DDX27: variants seen among roughly 807,000 people sequenced by gnomAD.
DDX27 encodes DEAD-box helicase 27, also known as probable ATP-dependent RNA helicase DDX27.
Under a neutral mutation model 99.3 loss-of-function variants are expected in DDX27, and 42 were observed. The observed-to-expected ratio is 0.42, with a 90% CI of 0.33 to 0.55. The LOEUF (loss-of-function observed/expected upper bound fraction) is 0.55, where lower values mean the gene tolerates loss of function less well. Ranked by LOEUF, DDX27 falls within the 20% of genes least tolerant of loss-of-function variation. The probability of loss-of-function intolerance (pLI) is 0.07; values close to 1 mark genes in which losing one functional copy is unlikely to be tolerated. For missense variants in DDX27, 798 were observed against 976.8 expected, an observed-to-expected ratio of 0.82 and a Z score of 2.44; for synonymous variants, 329 against 353.8, an observed-to-expected ratio of 0.93 and a Z score of 0.79.
chr20:49,243,749 T>TA (rs757473060), intron 20 of DDX27, 46 bp downstream of exon 20: 41 of 1,613,554 alleles, frequency 2.5e-5, no homozygotes, highest in Non-Finnish European at 3.3e-5. Context: ...GGATTAGAGA[T>TA]AAAAACCTTT....
At chr20:49,239,122 G>C (rs1980395080) in intron 15 of DDX27, 67 bp downstream of exon 15, 1 of 1,518,450 alleles carries the variant, frequency 6.6e-7, no homozygotes, top group Admixed American at 1.7e-5. Flanking sequence ...ATCCCTGCTG[G>C]TGCTGCCCTT....
intron 14 of DDX27, chr20:49,238,656 CGGG>C (rs1414972302): frequency 2.8e-6 from 1 of 359,304 alleles, no homozygotes; most frequent in Middle Eastern, 8.3e-4. Context: ...TTAATAGAGA[CGGG>C]GTTTCACAGC....
In DDX27 at chr20:49,238,953, C is replaced by T; in HGVS notation, c.1692C>T (p.Val564=). The T allele has an allele frequency of 7.4e-6, 12 of 1,611,128 alleles. No individual in the cohort carries two copies. The highest frequency in any genetic ancestry group is 1.0e-5 in the Non-Finnish European group (12 of 1,177,360). ...PVKARILPQD[V]ILKFRDKIEK... ...TTTTTATTTTCTCCCATTGAGATGT[C>T]ATCCTCAAATTCCGGGACAAGATTG... Residue 564 remains valine, a synonymous_variant, in exon 15 of 21, where the codon GTC becomes GTT. Transcript: ENST00000618172.
chr20:49,221,050 C>A (rs188531751), intron 1 of DDX27, among the ~76,000 whole-genome samples: 1 of 152,302 alleles, frequency 6.6e-6, no homozygotes, highest in African/African-American at 2.4e-5. Flanking sequence ...CAGCCTCCCC[C>A]TCCCGGGTTC....
At chr20:49,232,763 CAAAAAAA>C (rs3061137) in intron 9 of DDX27, 4 of 61,852 alleles carry the variant, frequency 6.5e-5, no homozygotes, top group South Asian at 6.4e-4. Context: ...GACTCCGTCT[CAAAAAAA>C]AAAAAAAAAA....
At chr20:49,237,611 G>C (rs1980348119) in intron 14 of DDX27, among the ~76,000 whole-genome samples, 1 of 152,174 alleles carries the variant, frequency 6.6e-6, no homozygotes. Flanking sequence ...GGGAGAAAGA[G>C]ACAATAAATA....
In DDX27 at chr20:49,227,063, C is replaced by T. The variant is rs569504361; in HGVS notation, c.706+528C>T. ...ATTTTTAGTAGAGACGGGGTTTCAC[C>T]GTTTTAGCCGGGATGGTCTTGATCT... On this transcript the variant is annotated intron_variant, in intron 7 of 20. Coordinates refer to ENST00000618172, the MANE Select transcript of DDX27 (RefSeq NM_017895.8). 1.3e-4 allele frequency among the ~76,000 whole-genome samples: 19 copies of T among 150,078 alleles called. No individual in the cohort carries two copies. In the East Asian group the frequency reaches 2.2e-3, roughly 17 times the overall value.
intron 11 of DDX27, chr20:49,234,026 T>G: frequency 6.7e-6 from 2 of 298,496 alleles, no homozygotes; most frequent in Non-Finnish European, 1.3e-5. Context: ...TCGAGCTCCC[T>G]GCTTCCACTC....
intron 8 of DDX27, 59 bp from the exon 9 acceptor site, chr20:49,230,140 C>A: frequency 6.5e-7 from 1 of 1,537,120 alleles, no homozygotes; most frequent in South Asian, 1.2e-5. Context: ...GGCTGGTGCT[C>A]AGTCAACACC....
Position 49,243,799 on chromosome 20 carries a change from C to T in DDX27, c.2280-17C>T. The T allele has an allele frequency of 6.2e-7, 1 of 1,614,206 alleles. No individual in the cohort carries two copies. Among genetic ancestry groups the T allele is most frequent in the Non-Finnish European group, 8.5e-7 (1 of 1,180,034 alleles). ...TTCTCCATCCTCATTCTGGTCTTAA[C>T]TCTGATTTTCTTACAGATACAAGAG... On this transcript the variant is annotated splice_polypyrimidine_tract_variant and intron_variant, in intron 20 of 20. Transcript: ENST00000618172.
At chr20:49,243,745 G>A in intron 20 of DDX27, 42 bp downstream of exon 20, 3 of 1,613,592 alleles carry the variant, frequency 1.9e-6, no homozygotes, top group Non-Finnish European at 2.5e-6. Context: ...TTTGGGATTA[G>A]AGATAAAAAC....
intron 6 of DDX27, among the ~76,000 whole-genome samples, chr20:49,226,109 G>A (rs910835781): frequency 2.0e-5 from 3 of 152,154 alleles, no homozygotes; most frequent in East Asian, 3.9e-4. Flanking sequence ...GCCCTACCGT[G>A]AATAGCACTC....
intron 9 of DDX27, among the ~76,000 whole-genome samples, chr20:49,232,456 C>G (rs570458988): frequency 4.6e-5 from 7 of 151,880 alleles, no homozygotes; most frequent in African/African-American, 1.7e-4. Context: ...ATGGAGAAAC[C>G]CCATCTCTAC....
At chr20:49,231,804 A>G (rs1287964463) in intron 9 of DDX27, among the ~76,000 whole-genome samples, 1 of 152,046 alleles carries the variant, frequency 6.6e-6, no homozygotes, top group African/African-American at 2.4e-5. Flanking sequence ...CGCTGTCCCC[A>G]TGAGGATTTC....
rs1980570949 is a variant in DDX27, at chr20:49,244,017, T to A, written c.*183T>A. 1 of 668,026 alleles carries A rather than the reference T, an allele frequency of 1.5e-6. No individual in the cohort carries two copies. The highest frequency in any genetic ancestry group is 2.5e-6 in the Non-Finnish European group (1 of 395,042). 41.4% of individuals were successfully genotyped at this position (668,026 alleles called of 1,614,324 possible). On this transcript the variant is annotated 3_prime_UTR_variant, in exon 21 of 21. Transcript: ENST00000618172. ...AAGCATGTCTGTCAATCTCCCTTCTTGCTGATTAGCTTTCATATGACTATA... is the reference window on the plus strand; with the variant it reads ...AAGCATGTCTGTCAATCTCCCTTCTAGCTGATTAGCTTTCATATGACTATA...
At chr20:49,220,436 GT>G (rs1169228022) in intron 1 of DDX27, among the ~76,000 whole-genome samples, 2 of 152,294 alleles carry the variant, frequency 1.3e-5, no homozygotes, top group Non-Finnish European at 2.9e-5. Flanking sequence ...AGCACTTCCA[GT>G]GTATTCTTCG....
chr20:49,234,670 C>G (rs1980246196), intron 11 of DDX27: 1 of 335,018 alleles, frequency 3.0e-6, no homozygotes, highest in Non-Finnish European at 5.4e-6. Flanking sequence ...GATCATCTGC[C>G]TTGTCATTCA....
intron 4 of DDX27, 125 bp downstream of exon 4, chr20:49,223,558 G>T: frequency 2.5e-6 from 2 of 794,934 alleles, no homozygotes; most frequent in Non-Finnish European, 3.7e-6. Context: ...CTACTACATT[G>T]AACTCCTTTC....
At chr20:49,234,065 G>T in intron 11 of DDX27, 1 of 235,956 alleles carries the variant, frequency 4.2e-6, no homozygotes, top group Non-Finnish European at 8.5e-6. Context: ...GCATTGCAGA[G>T]CATTTACAAT....
Sources: allele counts gnomAD v4.1 joint callset (sites outside exome capture counted in the v4.1 genomes callset), GRCh38; gene constraint gnomAD v4.1.1; transcripts MANE v1.5; gene names NCBI Gene and HGNC (gene_info 2026-07-23, HGNC 2026-07-21).